The following NAB2 variants were observed in gnomAD, a reference collection of about 807,000 sequenced individuals.
NAB2 encodes the protein NGFI-A binding protein 2.
A neutral mutation model predicts 44.2 loss-of-function variants in NAB2; 9 were observed. That is an observed-to-expected ratio of 0.20 (90% CI 0.12 to 0.36). NAB2 has a LOEUF of 0.36. Ranked by LOEUF, NAB2 falls within the 10% of genes least tolerant of loss-of-function variation. The pLI, the probability that NAB2 is intolerant of heterozygous loss-of-function variation, is 1.00. For missense variants in NAB2, 514 were observed against 709.0 expected (o/e 0.73, Z 3.12); for synonymous variants, 342 against 291.0 (o/e 1.18, Z -1.78).
At chr12:57,089,463 G>T in intron 1 of NAB2, 109 bp downstream of exon 1, 1 of 841,014 alleles carries the variant, frequency 1.2e-6, no homozygotes. Context: ...GCAGGACGGG[G>T]GTGGGGGGTG....
chr12:57,094,843 C>T lies in NAB2; in HGVS notation c.*122C>T. The T allele has an allele frequency of 1.3e-6, 1 of 742,442 alleles. No homozygotes were observed. The highest frequency in any genetic ancestry group is 1.8e-5 in the South Asian group (1 of 55,898). 46.0% of individuals were successfully genotyped at this position (742,442 alleles called of 1,614,324 possible). A position where few individuals can be genotyped will look rare whatever the true frequency, so the allele number is the denominator to read the frequency against. ...CCTTCCTCTGCCCTTCTCCTGCCTC[C>T]CCACCTGCTCCATGGGCATAAGACT... is the stretch of plus-strand genomic sequence containing the variant. On this transcript the variant is annotated 3_prime_UTR_variant, in exon 7 of 7. Coordinates refer to ENST00000300131, the MANE Select transcript of NAB2 (RefSeq NM_005967.4).
intron 1 of NAB2, 149 bp downstream of exon 1, chr12:57,089,503 G>T: frequency 1.4e-6 from 1 of 705,220 alleles, no homozygotes. Flanking sequence ...GTGCGTCTTC[G>T]AATTAGGGGG....
chr12:57,090,321 TAAAA>T (rs1194220121), intron 1 of NAB2, among the ~76,000 whole-genome samples: 3 of 152,036 alleles, frequency 2.0e-5, no homozygotes. Context: ...CCGTTTCTAC[TAAAA>T]ATACAAAAAT....
chr12:57,090,046 C>T (rs1291765192), intron 1 of NAB2, among the ~76,000 whole-genome samples: 1 of 152,196 alleles, frequency 6.6e-6, no homozygotes, highest in African/African-American at 2.4e-5. Flanking sequence ...GCGCCCCTCC[C>T]CCTGCCACGG....
rs772658646 is a variant in NAB2, at chr12:57,093,102, C to A, written c.1183C>A (p.Pro395Thr). ...TCACCCTGAAATCCAGCAGCCTCCC[C>A]CAGGCCCTGAGTCCTATGTACCCCC... ...QSHPEIQQPPPGPESYVPPYR... is the reference protein window; with the variant it reads ...QSHPEIQQPPTGPESYVPPYR... The change falls in exon 5 of 7, where the codon CCA becomes ACA. Residue 395 changes from proline to threonine, a missense_variant. By Grantham distance (38) the Pro-to-Thr change is conservative. Coordinates refer to ENST00000300131, the MANE Select transcript of NAB2 (RefSeq NM_005967.4). 1 of 1,612,908 alleles carries A rather than the reference C, an allele frequency of 6.2e-7. No individual in the cohort carries two copies. The highest frequency in any genetic ancestry group is 1.1e-5 in the South Asian group (1 of 90,906).
In NAB2 at chr12:57,091,940, T is replaced by G; in HGVS notation, c.899T>G (p.Ile300Ser). 1.2e-6 allele frequency: 2 copies of G among 1,614,040 alleles called. No individual in the cohort carries two copies. Among genetic ancestry groups the G allele is most frequent in the Non-Finnish European group, 1.7e-6 (2 of 1,179,980 alleles). Residue 300 changes from isoleucine (I) to serine (S), a missense_variant, in exon 2 of 7, where the codon ATC becomes AGC. By Grantham distance (142) the Ile-to-Ser change is moderately radical (BLOSUM62 -2). Coordinates refer to ENST00000300131, the MANE Select transcript of NAB2 (RefSeq NM_005967.4). This position sits in a 1 kb window ranked among gnomAD's most constrained non-coding sequence, Gnocchi z 7.3. ...GAAGAGGAGATCCGCAAATACAGCA[T>G]CATCTATGGCCGTTTCGACTCTAAG... ...QKEEEIRKYS[I>S]IYGRFDSKRR...
rs368592225 is a variant in NAB2, at chr12:57,093,683, A to T, written c.1468+85A>T. On this transcript the variant is annotated intron_variant, in intron 6 of 6. Coordinates refer to ENST00000300131, the MANE Select transcript of NAB2 (RefSeq NM_005967.4). ...TTCTGGTGTCCTGGGGCCAGGTGGG[A>T]GGAAGAGGGATATAGTCGTCAGAGA... 3.1e-5 allele frequency: 41 copies of T among 1,336,304 alleles called. No homozygotes were observed. The African/African-American group carries it at 4.6e-4, about 15-fold the overall frequency. The allele number at this position is 1,336,304 out of a possible 1,614,324, so 82.8% of individuals were successfully genotyped here.
intron 1 of NAB2, 28 bp downstream of exon 1, chr12:57,089,382 A>T: frequency 7.7e-7 from 1 of 1,299,934 alleles, no homozygotes; most frequent in Non-Finnish European, 1.0e-6. Flanking sequence ...GGCAGCGGGG[A>T]GTGGAGATGG....
At position 57,093,090 on chromosome 12, in the gene NAB2, C is replaced by G; in HGVS notation, c.1171C>G (p.Gln391Glu). ...TGGAGAACAGAGTCACCCTGAAATC[C>G]AGCAGCCTCCCCCAGGCCCTGAGTC... ...EVGEQSHPEI[Q>E]QPPPGPESYV... Residue 391 changes from glutamine to glutamate, a missense_variant, in exon 5 of 7, where the codon CAG becomes GAG. Gln to Glu is a conservative substitution (Grantham distance 29). Around this residue, in one of 5 missense-constraint regions of NAB2, gnomAD observed 194 missense variants for 223.9 expected, o/e 0.87. Coordinates refer to ENST00000300131, the MANE Select transcript of NAB2 (RefSeq NM_005967.4). 3 of 1,612,270 alleles carry G rather than the reference C, an allele frequency of 1.9e-6. No individual in the cohort carries two copies. Among genetic ancestry groups the G allele is most frequent in the Non-Finnish European group, 2.5e-6 (3 of 1,178,864 alleles).
intron 1 of NAB2, among the ~76,000 whole-genome samples, chr12:57,090,219 C>T (rs1007391194): frequency 2.0e-5 from 3 of 152,174 alleles, no homozygotes; most frequent in Non-Finnish European, 4.4e-5. Context: ...GGCCCGGTGG[C>T]TCAGGCCTGT....
At position 57,091,750 on chromosome 12, in the gene NAB2, C is replaced by A; in HGVS notation, c.709C>A (p.Leu237Met). Residue 237 changes from leucine to methionine, a missense_variant, in exon 2 of 7, where the codon CTG becomes ATG. This residue lies in a region of NAB2 where 177 missense variants were observed against 200.5 expected (regional missense o/e 0.88). Transcript: ENST00000300131. This position sits in a 1 kb window ranked among gnomAD's most constrained non-coding sequence, Gnocchi z 7.3. ...TGGGACTGGGGGTGGTCCAGACCGA[C>A]TGGAGCCAGAGATGGTACGCATGGT... ...AGGTGGGPDR[L>M]EPEMVRMVVE... The A allele has an allele frequency of 1.9e-6, 3 of 1,614,132 alleles. No homozygotes were observed. Among genetic ancestry groups the A allele is most frequent in the Non-Finnish European group, 2.5e-6 (3 of 1,179,984 alleles).
Position 57,091,419 on chromosome 12 carries a change from G to A in NAB2, c.378G>A (p.Pro126=), listed in dbSNP as rs778061464. The A allele has an allele frequency of 7.4e-6, 12 of 1,614,176 alleles. No individual in the cohort carries two copies. Among genetic ancestry groups the A allele is most frequent in the Non-Finnish European group, 1.0e-5 (12 of 1,180,038 alleles). The change falls in exon 2 of 7, where the codon CCG becomes CCA. Residue 126 remains proline, a synonymous_variant. Transcript: ENST00000300131. The surrounding 1 kb of genome is among the most constrained non-coding windows in gnomAD (Gnocchi z 7.3). ...PVPAVPVSSI[P]LFKISETAGT... ...CTGCTGTTCCCGTCTCCAGCATCCCGCTCTTCAAGATCTCTGAGACTGCGG... is the reference window on the plus strand; with the variant it reads ...CTGCTGTTCCCGTCTCCAGCATCCCACTCTTCAAGATCTCTGAGACTGCGG...
At chr12:57,090,694 A>T (rs1057065033) in intron 1 of NAB2, among the ~76,000 whole-genome samples, 2 of 152,162 alleles carry the variant, frequency 1.3e-5, no homozygotes, top group Non-Finnish European at 2.9e-5. Flanking sequence ...TCACTTTAGT[A>T]TGGGTGACTT....
intron 1 of NAB2, among the ~76,000 whole-genome samples, chr12:57,090,235 C>T (rs2033157220): frequency 6.6e-6 from 1 of 152,172 alleles, no homozygotes; most frequent in Admixed American, 6.5e-5. Context: ...CCTGTAATCC[C>T]AGCACTTTGG....
intron 3 of NAB2, 85 bp downstream of exon 3, chr12:57,092,666 T>G: frequency 1.3e-5 from 20 of 1,518,346 alleles, no homozygotes; most frequent in East Asian, 2.3e-5. Context: ...CAGGCAGCTC[T>G]AGGCCTGCTT....
chr12:57,093,162 C>A lies in NAB2; in HGVS notation c.1243C>A (p.Leu415Met), dbSNP rs1321054920. 5.6e-6 allele frequency: 9 copies of A among 1,612,028 alleles called. No homozygotes were observed. Among genetic ancestry groups the A allele is most frequent in the Non-Finnish European group, 7.6e-6 (9 of 1,179,572 alleles). Reference protein sequence around the residue: ...RPSLEEDSASLSGESLDGHLQ... With the variant: ...RPSLEEDSASMSGESLDGHLQ... ...CAGCCTGGAGGAGGACAGCGCCAGC[C>A]TGTCTGGGGAGAGTCTGGATGGACA... The change falls in exon 5 of 7, where the codon CTG becomes ATG. Residue 415 changes from leucine to methionine, a missense_variant. By Grantham distance (15) the Leu-to-Met change is conservative. Coordinates refer to ENST00000300131, the MANE Select transcript of NAB2 (RefSeq NM_005967.4).
Position 57,093,134 on chromosome 12 carries a change from C to T in NAB2, c.1215C>T (p.Arg405=), listed in dbSNP as rs1486841575. 1.2e-6 allele frequency: 2 copies of T among 1,613,518 alleles called. No individual in the cohort carries two copies. Among genetic ancestry groups the T allele is most frequent in the Non-Finnish European group, 1.7e-6 (2 of 1,179,798 alleles). Residue 405 remains arginine (R), a synonymous_variant, in exon 5 of 7, where the codon CGC becomes CGT. Coordinates refer to ENST00000300131, the MANE Select transcript of NAB2 (RefSeq NM_005967.4). Reference sequence around the variant, plus strand: ...CTGAGTCCTATGTACCCCCATACCGCCCCAGCCTGGAGGAGGACAGCGCCA... The same window carrying T: ...CTGAGTCCTATGTACCCCCATACCGTCCCAGCCTGGAGGAGGACAGCGCCA... ...PGPESYVPPY[R]PSLEEDSASL...
chr12:57,091,586 C>G lies in NAB2; in HGVS notation c.545C>G (p.Pro182Arg). ...CCTGGGGGACCTGGGGCAGGGGACC[C>G]CCGGATCTGGCCAGGCCGGAGCACT... The part of the protein sequence containing the change: ...PLPGGPGAGD[P>R]RIWPGRSTPE... Residue 182 changes from proline to arginine, a missense_variant, in exon 2 of 7, where the codon CCC becomes CGC. Physicochemically the swap from Pro to Arg is moderately radical, Grantham distance 103 (BLOSUM62 -2). This residue lies in a region of NAB2 where 177 missense variants were observed against 200.5 expected (regional missense o/e 0.88). Transcript: ENST00000300131. The surrounding 1 kb of genome is among the most constrained non-coding windows in gnomAD (Gnocchi z 7.3). 1 of 1,605,502 alleles carries G rather than the reference C, an allele frequency of 6.2e-7. No individual in the cohort carries two copies. Among genetic ancestry groups the G allele is most frequent in the Non-Finnish European group, 8.5e-7 (1 of 1,174,180 alleles).
Position 57,091,547 on chromosome 12 carries a change from A to C in NAB2, c.506A>C (p.Lys169Thr). The part of the protein sequence containing the change: ...SPKSPLELGE[K>T]LSPLPGGPGA... ...AAGAGCCCCCTTGAACTTGGAGAGAAGCTATCACCACTGCCTGGGGGACCT... is the reference window on the plus strand; with the variant it reads ...AAGAGCCCCCTTGAACTTGGAGAGACGCTATCACCACTGCCTGGGGGACCT... Residue 169 changes from lysine to threonine, a missense_variant, in exon 2 of 7, where the codon AAG becomes ACG. Transcript: ENST00000300131. This position sits in a 1 kb window ranked among gnomAD's most constrained non-coding sequence, Gnocchi z 7.3. 6.2e-7 allele frequency: 1 copy of C among 1,611,902 alleles called. No individual in the cohort carries two copies. The highest frequency in any genetic ancestry group is 8.5e-7 in the Non-Finnish European group (1 of 1,178,496).
Sources: allele counts gnomAD v4.1 joint callset (sites outside exome capture counted in the v4.1 genomes callset), GRCh38; gene constraint gnomAD v4.1.1; regional missense constraint gnomAD v4.1.1; non-coding constraint Gnocchi (gnomAD v3.1); transcripts MANE v1.5; gene names NCBI Gene and HGNC (gene_info 2026-07-23, HGNC 2026-07-21).